NOL9: variants seen among roughly 807,000 people sequenced by gnomAD.
NOL9 encodes nucleolar protein 9, also known as polynucleotide 5'-hydroxyl-kinase NOL9.
In NOL9, 28 loss-of-function variants were observed where a neutral mutation model predicts 67.9. The ratio of observed to expected loss-of-function variants is 0.41; its 90% CI spans 0.31 to 0.57. The LOEUF is 0.57. Ranked by LOEUF, NOL9 falls within the 20% of genes least tolerant of loss-of-function variation. The probability of loss-of-function intolerance (pLI) is 0.25; values close to 1 mark genes in which losing one functional copy is unlikely to be tolerated. For synonymous variants in NOL9, 356 were observed against 352.2 expected (o/e 1.01, Z -0.12); for missense variants, 777 against 897.0 (o/e 0.87, Z 1.71).
chr1:6,552,404 T>C (rs888510874), intron 1 of NOL9, among the ~76,000 whole-genome samples: 2 of 152,326 alleles, frequency 1.3e-5, no homozygotes, highest in East Asian at 1.9e-4. Flanking sequence ...GCAAAGGACA[T>C]GATCTCATCC....
intron 9 of NOL9, among the ~76,000 whole-genome samples, chr1:6,530,942 C>A (rs1157511782): frequency 6.6e-6 from 1 of 152,224 alleles, no homozygotes; most frequent in Non-Finnish European, 1.5e-5. Flanking sequence ...TTTGGGCAAG[C>A]TGACTCCCAG....
chr1:6,542,358 A>G (rs1639314183), intron 5 of NOL9, among the ~76,000 whole-genome samples: 2 of 150,490 alleles, frequency 1.3e-5, no homozygotes, highest in Admixed American at 1.3e-4. Context: ...ACAGGGTTTC[A>G]CCATGTTAGC....
chr1:6,527,043 C>T (rs934252875), intron 10 of NOL9, among the ~76,000 whole-genome samples: 7 of 151,468 alleles, frequency 4.6e-5, no homozygotes, highest in South Asian at 2.1e-4. Flanking sequence ...ATCAGGAGTT[C>T]GAGACCAGCT....
intron 9 of NOL9, 90 bp from the exon 10 acceptor site, chr1:6,529,261 T>C: frequency 8.2e-7 from 1 of 1,217,836 alleles, no homozygotes; most frequent in Non-Finnish European, 1.2e-6. Flanking sequence ...TATCTAAAGA[T>C]AGGTCTGCCA....
chr1:6,526,184 C>T (rs545142739), intron 11 of NOL9, among the ~76,000 whole-genome samples, 181 bp from the exon 12 acceptor site: 22 of 152,230 alleles, frequency 1.4e-4, no homozygotes, highest in African/African-American at 5.1e-4. Flanking sequence ...CGGTAACAAA[C>T]GTGCCAAGGC....
chr1:6,553,284 C>T (rs114213809), intron 1 of NOL9, among the ~76,000 whole-genome samples: 5 of 152,256 alleles, frequency 3.3e-5, no homozygotes, highest in African/African-American at 9.6e-5. Flanking sequence ...TGCCTTCCCT[C>T]CTGCATTAGA....
At chr1:6,544,549 C>CCA (rs1553183981) in intron 5 of NOL9, among the ~76,000 whole-genome samples, 7 of 10,198 alleles carry the variant, frequency 6.9e-4, no homozygotes, top group South Asian at 6.6e-3. Flanking sequence ...ACGCACCCCC[C>CCA]CCCCGCCCCC....
chr1:6,535,349 T>C (rs1639124814), intron 6 of NOL9, among the ~76,000 whole-genome samples: 1 of 152,092 alleles, frequency 6.6e-6, no homozygotes. Flanking sequence ...TCCAAGGCTA[T>C]GGAAGAGAAA....
rs140011303 is a variant in NOL9, at chr1:6,533,681, C to T, written c.1076-240G>A. Among the ~76,000 whole-genome samples the T allele has an allele frequency of 9.8e-5, 15 of 152,328 alleles. 1 individual carries two copies. In the East Asian group the frequency reaches 2.9e-3, roughly 29 times the overall value. ...TAATGCCAATTATGTCCTAACATGGCCATTCATTCAGCGAACACACAAATC... is the reference window on the plus strand; with the variant it reads ...TAATGCCAATTATGTCCTAACATGGTCATTCATTCAGCGAACACACAAATC... On this transcript the variant is annotated intron_variant, in intron 6 of 11. Coordinates refer to ENST00000377705, the MANE Select transcript of NOL9 (RefSeq NM_024654.5).
At chr1:6,550,681 A>AAC in intron 1 of NOL9, 66 bp from the exon 2 acceptor site, 3 of 1,002,478 alleles carry the variant, frequency 3.0e-6, no homozygotes, top group Non-Finnish European at 4.2e-6. Context: ...ACATTCTAAA[A>AAC]TCTTTTTTTT....
In NOL9 at chr1:6,544,933, A is replaced by G; in HGVS notation, c.881-11T>C. 6.2e-7 allele frequency: 1 copy of G among 1,614,214 alleles called. No homozygotes were observed. The highest frequency in any genetic ancestry group is 8.5e-7 in the Non-Finnish European group (1 of 1,180,038). On this transcript the variant is annotated splice_polypyrimidine_tract_variant and intron_variant, in intron 4 of 11. Coordinates refer to ENST00000377705, the MANE Select transcript of NOL9 (RefSeq NM_024654.5). ...AGCCATCTACTTCTTCTGAATGGGA[A>G]ACAAACATTGATCGCTAGAATTAGC...
At chr1:6,547,993 A>C (rs201990580) in intron 3 of NOL9, 32 of 302,348 alleles carry the variant, frequency 1.1e-4, no homozygotes, top group Non-Finnish European at 2.0e-4. Context: ...TTCCTACAAT[A>C]CAGGCTCTAA....
rs1010026359 is a variant in NOL9, at chr1:6,532,435, A to C, written c.1535+28T>G. ...GTCTTTTTCGACGGAAGGAAAAATA[A>C]TTCTTCAGCCAAATGAGGGTTAGTT... On this transcript the variant is annotated intron_variant, in intron 8 of 11. Coordinates refer to ENST00000377705, the MANE Select transcript of NOL9 (RefSeq NM_024654.5). The C allele has an allele frequency of 1.9e-6, 3 of 1,583,542 alleles. No individual in the cohort carries two copies. The African/African-American group carries it at 4.1e-5, about 22-fold the overall frequency.
chr1:6,531,590 C>CT (rs1245212145), intron 9 of NOL9, among the ~76,000 whole-genome samples: 1 of 152,170 alleles, frequency 6.6e-6, no homozygotes, highest in East Asian at 1.9e-4. Context: ...CGTTCACTCT[C>CT]TGAGGCCCAG....
At chr1:6,542,453 G>C in intron 5 of NOL9, among the ~76,000 whole-genome samples, 1 of 97,296 alleles carries the variant, frequency 1.0e-5, no homozygotes, top group South Asian at 3.9e-4. Flanking sequence ...CTGAGGCACT[G>C]AGCCCAGCTG....
intron 10 of NOL9, among the ~76,000 whole-genome samples, chr1:6,528,097 C>T (rs1638931810): frequency 6.6e-6 from 1 of 152,160 alleles, no homozygotes; most frequent in African/African-American, 2.4e-5. Flanking sequence ...CTGAAATGTG[C>T]ATTTGAGGAC....
At chr1:6,534,881 G>C (rs1639114595) in intron 6 of NOL9, among the ~76,000 whole-genome samples, 1 of 152,038 alleles carries the variant, frequency 6.6e-6, no homozygotes, top group South Asian at 2.1e-4. Context: ...TCAGCTCACT[G>C]CAACCTCCAC....
At chr1:6,527,709 A>C (rs1399686521) in intron 10 of NOL9, among the ~76,000 whole-genome samples, 1 of 152,106 alleles carries the variant, frequency 6.6e-6, no homozygotes, top group African/African-American at 2.4e-5. Flanking sequence ...CGAGGTGGGC[A>C]GATCACGAGG....
At position 6,529,884 on chromosome 1, in the gene NOL9, C is replaced by T. The variant is rs550860554; in HGVS notation, c.1648-713G>A. ...GAGGTTGCAGTGAACTGAGATCGTGCCACTGCACTCCAGCTTGAATGACAG... is the reference window on the plus strand; with the variant it reads ...GAGGTTGCAGTGAACTGAGATCGTGTCACTGCACTCCAGCTTGAATGACAG... On this transcript the variant is annotated intron_variant, in intron 9 of 11. Transcript: ENST00000377705. 3.4e-4 allele frequency among the ~76,000 whole-genome samples: 51 copies of T among 151,862 alleles called. No individual in the cohort carries two copies. The East Asian group carries it at 5.7e-3, about 17-fold the overall frequency.
Sources: allele counts gnomAD v4.1 joint callset (sites outside exome capture counted in the v4.1 genomes callset), GRCh38; gene constraint gnomAD v4.1.1; transcripts MANE v1.5; gene names NCBI Gene and HGNC (gene_info 2026-07-23, HGNC 2026-07-21).